The following JMJD1C variants were observed in gnomAD, a reference collection of about 807,000 sequenced individuals.
JMJD1C encodes jumonji domain-containing protein 1C.
In JMJD1C, 31 loss-of-function variants were observed where a neutral mutation model predicts 245.3. That is an observed-to-expected ratio of 0.13 (90% CI 0.09 to 0.17). The LOEUF is 0.17. Among genes scored for constraint, JMJD1C ranks in the 10% least tolerant of loss-of-function variants. The pLI, the probability that JMJD1C is intolerant of heterozygous loss-of-function variation, is 1.00. For missense variants in JMJD1C, 2,691 were observed against 3,000.2 expected (o/e 0.90, Z 2.41); for synonymous variants, 1,057 against 1,017.4 (o/e 1.04, Z -0.74).
intron 1 of JMJD1C, among the ~76,000 whole-genome samples, chr10:63,426,721 C>T (rs1433541803): frequency 6.6e-6 from 1 of 152,046 alleles, no homozygotes; most frequent in Admixed American, 6.6e-5. Flanking sequence ...TACTTACTAT[C>T]CTTATGAAAA....
Position 63,179,046 on chromosome 10 carries a change from C to G in JMJD1C, c.7085-1190G>C, listed in dbSNP as rs145046705. ...TCTCATTACCCACCCCTGTTAACCA[C>G]CATCCTCTGAATCTCCAATGTCTAT... On this transcript the variant is annotated intron_variant, in intron 22 of 25. Coordinates refer to ENST00000399262, the MANE Select transcript of JMJD1C (RefSeq NM_032776.3). 3.8e-3 allele frequency among the ~76,000 whole-genome samples: 573 copies of G among 152,244 alleles called. 5 individuals are homozygous for G. The highest frequency in any genetic ancestry group is 5.1e-3 in the Non-Finnish European group (344 of 68,004).
intron 1 of JMJD1C, among the ~76,000 whole-genome samples, chr10:63,506,898 C>T (rs1386270687): frequency 4.0e-5 from 6 of 150,624 alleles, no homozygotes; most frequent in Non-Finnish European, 1.5e-5. Flanking sequence ...TTTCATTGCC[C>T]TAAAAACCCT....
In JMJD1C at chr10:63,409,619, T is replaced by C. The variant is rs1392600614; in HGVS notation, c.169-29137A>G. ...GGAAGAATGACTATTCTTGTCTCTGTTCTGCATCTGAGAAGGTAAGATTGT... is the reference window on the plus strand; with the variant it reads ...GGAAGAATGACTATTCTTGTCTCTGCTCTGCATCTGAGAAGGTAAGATTGT... On this transcript the variant is annotated intron_variant, in intron 1 of 25. Transcript: ENST00000399262. Among the ~76,000 whole-genome samples, 5 of 152,314 alleles carry C rather than the reference T, an allele frequency of 3.3e-5. No homozygotes were observed. In the South Asian group the frequency reaches 6.2e-4, roughly 19 times the overall value.
chr10:63,194,585 C>T (rs1845229460), intron 13 of JMJD1C: 2 of 430,546 alleles, frequency 4.6e-6, no homozygotes, highest in South Asian at 8.1e-5. Context: ...ACAGTTCCAC[C>T]ATTTCCTGAT....
chr10:63,329,478 G>T (rs1156848574), intron 2 of JMJD1C, among the ~76,000 whole-genome samples: 1 of 116,966 alleles, frequency 8.5e-6, no homozygotes, highest in Admixed American at 9.0e-5. Flanking sequence ...TCCATCAATT[G>T]AAAAAAAAAA....
chr10:63,207,463 A>T lies in JMJD1C; in HGVS notation c.4206T>A (p.Ala1402=). The change falls in exon 10 of 26, where the codon GCT becomes GCA. Residue 1402 remains alanine (A), a synonymous_variant. Transcript: ENST00000399262. ...CNTKTDVITS[A]ADTTSVSSWG... Reference sequence around the variant, plus strand: ...AGCTGGAAACACTGGTAGTATCGGCAGCAGATGTGATTACATCCGTTTTGG... The same window carrying T: ...AGCTGGAAACACTGGTAGTATCGGCTGCAGATGTGATTACATCCGTTTTGG... 7.4e-6 allele frequency: 12 copies of T among 1,614,228 alleles called. No individual in the cohort carries two copies. Among genetic ancestry groups the T allele is most frequent in the Non-Finnish European group, 1.0e-5 (12 of 1,180,032 alleles).
chr10:63,465,453 T>TGCGGGC (rs1953162935), intron 1 of JMJD1C, 42 bp downstream of exon 1: 1 of 1,535,402 alleles, frequency 6.5e-7, no homozygotes, highest in South Asian at 1.2e-5. Flanking sequence ...GAGAGCCGGG[T>TGCGGGC]GCGGGCGCGG....
intron 25 of JMJD1C, 43 bp from the exon 26 acceptor site, chr10:63,168,177 A>AAATT (rs749662144): frequency 1.5e-6 from 2 of 1,342,040 alleles, no homozygotes; most frequent in East Asian, 4.6e-5. Context: ...AGTTCGACAG[A>AAATT]AATTAATTAA....
chr10:63,508,345 A>G (rs143054448), intron 1 of JMJD1C, among the ~76,000 whole-genome samples: 3 of 152,294 alleles, frequency 2.0e-5, no homozygotes, highest in East Asian at 1.9e-4. Context: ...CTATTGGTCT[A>G]TTCTTTCACT....
chr10:63,248,621 C>T (rs966740549), intron 3 of JMJD1C, among the ~76,000 whole-genome samples: 14 of 152,074 alleles, frequency 9.2e-5, no homozygotes, highest in South Asian at 6.2e-4. Context: ...GGAACCTGTA[C>T]GCTGTTGGTG....
At chr10:63,420,884 GTACAAAACA>G (rs1950088701) in intron 1 of JMJD1C, among the ~76,000 whole-genome samples, 1 of 131,694 alleles carries the variant, frequency 7.6e-6, no homozygotes, top group African/African-American at 3.9e-5. Context: ...AATCAACAAA[GTACAAAACA>G]AACATTGTAT....
intron 2 of JMJD1C, among the ~76,000 whole-genome samples, chr10:63,326,740 G>A (rs1313629536): frequency 5.3e-5 from 8 of 152,156 alleles, no homozygotes; most frequent in African/African-American, 1.4e-4. Flanking sequence ...TCAGCCTAGC[G>A]TGGTGGTGGG....
chr10:63,310,678 T>C (rs7070296), intron 2 of JMJD1C, among the ~76,000 whole-genome samples: 1 of 151,846 alleles, frequency 6.6e-6, no homozygotes, highest in African/African-American at 2.4e-5. Flanking sequence ...TGTGGAAAAA[T>C]GAGCTGCTGG....
At chr10:63,264,257 C>T (rs1314269635) in intron 3 of JMJD1C, among the ~76,000 whole-genome samples, 1 of 151,872 alleles carries the variant, frequency 6.6e-6, no homozygotes, top group Non-Finnish European at 1.5e-5. Context: ...AACTATTATG[C>T]TAAACTGATA....
At chr10:63,311,562 G>A (rs1157110326) in intron 2 of JMJD1C, among the ~76,000 whole-genome samples, 1 of 152,040 alleles carries the variant, frequency 6.6e-6, no homozygotes, top group Non-Finnish European at 1.5e-5. Context: ...GTATTCTGAC[G>A]GAATCATATA....
chr10:63,211,885 T>C (rs550373081), intron 8 of JMJD1C, among the ~76,000 whole-genome samples: 99 of 148,318 alleles, frequency 6.7e-4, no homozygotes, highest in African/African-American at 2.4e-3. Flanking sequence ...ATGTTCACTG[T>C]AGCATTATTC....
chr10:63,348,360 C>T (rs910069633), intron 2 of JMJD1C, among the ~76,000 whole-genome samples: 15 of 152,218 alleles, frequency 9.9e-5, no homozygotes, highest in African/African-American at 3.1e-4. Flanking sequence ...GATATACTGG[C>T]TATCTGAACT....
intron 1 of JMJD1C, among the ~76,000 whole-genome samples, chr10:63,385,187 G>A (rs1157835840): frequency 3.3e-5 from 5 of 152,016 alleles, no homozygotes; most frequent in Admixed American, 6.6e-5. Context: ...CTTCTTATAC[G>A]GGTGTGGCTT....
intron 1 of JMJD1C, among the ~76,000 whole-genome samples, chr10:63,398,009 A>G (rs1948611450): frequency 6.6e-6 from 1 of 152,242 alleles, no homozygotes; most frequent in African/African-American, 2.4e-5. Context: ...TTTGTTACAG[A>G]GACAGTAACA....
Sources: gnomAD v4.1 joint callset for allele counts (sites outside exome capture counted in the v4.1 genomes callset) on GRCh38, gnomAD v4.1.1 for gene constraint, MANE v1.5 for transcripts, NCBI Gene and HGNC (gene_info 2026-07-23, HGNC 2026-07-21) for gene names.